Variants in RMP64 observed in about 807,000 individuals in gnomAD.
The protein encoded by RMP64 is nucleolus and neural progenitor protein.
chr3:113,013,868 C>A, the RMP64 span: 2 of 972,028 alleles, frequency 2.1e-6, no homozygotes, highest in Non-Finnish European at 3.3e-6. Flanking sequence ...ATTCCAACAG[C>A]AAGCATAGAG....
the RMP64 span, among the ~76,000 whole-genome samples, chr3:113,009,970 T>TAA: frequency 5.6e-4 from 81 of 144,112 alleles, no homozygotes; most frequent in Non-Finnish European, 6.8e-4. Context: ...AAGACAGGGT[T>TAA]AAAAAAAAAA....
At chr3:113,008,707 T>C in the RMP64 span, 1 of 290,338 alleles carries the variant, frequency 3.4e-6, no homozygotes, top group Non-Finnish European at 6.5e-6. Context: ...TTTTGCTCAC[T>C]AAGCTTTCCT....
the RMP64 span, chr3:113,017,311 G>A: frequency 1.7e-6 from 1 of 584,462 alleles, no homozygotes; most frequent in South Asian, 4.0e-5. Context: ...ACATGTAACT[G>A]TGGGCTATAG....
the RMP64 span, chr3:113,014,067 T>G: frequency 1.5e-6 from 2 of 1,331,008 alleles, no homozygotes; most frequent in Non-Finnish European, 2.2e-6. Context: ...TTCATGTGTA[T>G]GTAATGCAGA....
the RMP64 span, chr3:113,012,432 C>T: frequency 4.1e-6 from 1 of 243,842 alleles, no homozygotes; most frequent in Non-Finnish European, 7.8e-6. Flanking sequence ...TAAAAGCCCA[C>T]TGATGTTTCA....
chr3:113,002,552 G>T, the RMP64 span: 1 of 152,290 alleles, frequency 6.6e-6, no homozygotes, highest in Non-Finnish European at 1.5e-5. Flanking sequence ...TAGAGAAAAG[G>T]GGGTACATGA....
chr3:113,013,526 G>C, the RMP64 span: 1 of 850,830 alleles, frequency 1.2e-6, no homozygotes, highest in Non-Finnish European at 1.8e-6. Flanking sequence ...GAAACAAAGA[G>C]ATGCATAGGG....
At chr3:113,014,314 C>A in the RMP64 span, 2 of 250,702 alleles carry the variant, frequency 8.0e-6, no homozygotes. Flanking sequence ...GGGACCAAAA[C>A]GAGTATAGGT....
the RMP64 span, chr3:113,014,632 C>G: frequency 1.3e-5 from 2 of 152,056 alleles, no homozygotes; most frequent in African/African-American, 4.8e-5. Flanking sequence ...GGATTACAGG[C>G]ATGAGCCACC....
At chr3:113,008,072 GC>G in the RMP64 span, 1 of 1,089,754 alleles carries the variant, frequency 9.2e-7, no homozygotes, top group Admixed American at 2.1e-5. Flanking sequence ...CCCCGCTGCG[GC>G]TGCTGGACAT....
At chr3:113,017,235 CTTCTT>C in the RMP64 span, among the ~76,000 whole-genome samples, 5 of 152,128 alleles carry the variant, frequency 3.3e-5, no homozygotes, top group Admixed American at 3.3e-4. Context: ...TCTAAACATA[CTTCTT>C]TTCTAACAAA....
At chr3:113,017,715 C>G in the RMP64 span, 1 of 941,982 alleles carries the variant, frequency 1.1e-6, no homozygotes, top group Non-Finnish European at 1.6e-6. Flanking sequence ...GAATCAAAAA[C>G]TAATGTAATC....
At chr3:113,004,803 T>TCTAC in the RMP64 span, 2 of 152,292 alleles carry the variant, frequency 1.3e-5, no homozygotes, top group Non-Finnish European at 1.5e-5. Flanking sequence ...TACTTTCTCA[T>TCTAC]CTACCTGTTA....
the RMP64 span, chr3:113,005,816 C>T: frequency 1.2e-6 from 2 of 1,613,800 alleles, no homozygotes; most frequent in Non-Finnish European, 1.7e-6. Flanking sequence ...CTTCCGAGTC[C>T]CTTGAGAGAA....
the RMP64 span, chr3:113,017,679 AG>A: frequency 7.6e-7 from 1 of 1,310,592 alleles, no homozygotes; most frequent in African/African-American, 1.5e-5. Flanking sequence ...CACTAAAAAA[AG>A]CATCTTTCCT....
the RMP64 span, chr3:113,003,167 C>T: frequency 6.6e-6 from 1 of 151,656 alleles, no homozygotes; most frequent in African/African-American, 2.4e-5. Flanking sequence ...CATGGTGAAA[C>T]CCTATCTCTA....
At chr3:113,011,135 C>G in the RMP64 span, 13 of 1,613,010 alleles carry the variant, frequency 8.1e-6, no homozygotes, top group Non-Finnish European at 1.1e-5. Flanking sequence ...TTTGAAATTC[C>G]AAGCAAGGTT....
At chr3:113,002,487 C>T in the RMP64 span, 1 of 152,188 alleles carries the variant, frequency 6.6e-6, no homozygotes. Flanking sequence ...GCACAGAAGC[C>T]ATGTCTCAGG....
At chr3:113,011,362 T>A in the RMP64 span, 1 of 1,600,638 alleles carries the variant, frequency 6.2e-7, no homozygotes, top group Non-Finnish European at 8.5e-7. Flanking sequence ...AAACAAAGGC[T>A]CATATAACAA....
Sources: gnomAD v4.1 joint callset for allele counts (sites outside exome capture counted in the v4.1 genomes callset) on GRCh38, gnomAD v4.1.1 for gene constraint, MANE v1.5 for transcripts, NCBI Gene and HGNC (gene_info 2026-07-23, HGNC 2026-07-21) for gene names.